SYN2: variants seen among roughly 807,000 people sequenced by gnomAD.
SYN2 encodes synapsin-2.
SYN2 carries 19 observed loss-of-function variants against 50.9 expected under a neutral mutation model. The ratio of observed to expected loss-of-function variants is 0.37; its 90% CI spans 0.26 to 0.55. SYN2 has a LOEUF of 0.55. Among genes scored for constraint, SYN2 ranks in the 20% least tolerant of loss-of-function variants. SYN2 has a pLI of 0.81. For synonymous variants in SYN2, 255 were observed against 224.9 expected (o/e 1.13, Z -1.20); for missense variants, 587 against 576.4 (o/e 1.02, Z -0.19).
At chr3:12,122,246 C>A (rs920998790) in intron 1 of SYN2, among the ~76,000 whole-genome samples, 1 of 152,114 alleles carries the variant, frequency 6.6e-6, no homozygotes, top group Non-Finnish European at 1.5e-5. Context: ...AAAAAGAGAA[C>A]AATTTTCTTT....
At chr3:12,131,031 A>G (rs1210746993) in intron 1 of SYN2, among the ~76,000 whole-genome samples, 1 of 152,156 alleles carries the variant, frequency 6.6e-6, no homozygotes, top group Non-Finnish European at 1.5e-5. Flanking sequence ...TTATAGAAGG[A>G]GTAGGGCAGG....
chr3:12,005,349 C>T (rs1259226977), intron 1 of SYN2, among the ~76,000 whole-genome samples: 2 of 151,890 alleles, frequency 1.3e-5, no homozygotes, highest in Non-Finnish European at 2.9e-5. Context: ...TCATGAAGCA[C>T]GGAGTGAATT....
intron 1 of SYN2, among the ~76,000 whole-genome samples, chr3:12,061,653 A>T (rs749511840): frequency 2.0e-5 from 3 of 152,060 alleles, no homozygotes; most frequent in Non-Finnish European, 2.9e-5. Context: ...ATTGCTAGGA[A>T]ATGATAAACC....
intron 5 of SYN2, chr3:12,153,837 C>T: frequency 3.0e-6 from 3 of 1,013,250 alleles, no homozygotes; most frequent in Non-Finnish European, 4.4e-6. Context: ...AAGCCTTTCC[C>T]AGTCCCCAGT....
intron 5 of SYN2, chr3:12,153,329 C>G: frequency 1.5e-6 from 1 of 651,782 alleles, no homozygotes; most frequent in Non-Finnish European, 2.7e-6. Context: ...GCAGGGGCAA[C>G]AGGCTGAGGG....
intron 1 of SYN2, among the ~76,000 whole-genome samples, chr3:12,046,254 G>A (rs539485487): frequency 2.0e-5 from 3 of 152,148 alleles, no homozygotes; most frequent in African/African-American, 7.2e-5. Flanking sequence ...AAAGGTTTTG[G>A]TGAGTATATT....
intron 1 of SYN2, among the ~76,000 whole-genome samples, chr3:12,089,306 G>A (rs1018317959): frequency 1.3e-5 from 2 of 152,104 alleles, no homozygotes; most frequent in African/African-American, 2.4e-5. Context: ...ACTTGTATAG[G>A]GGAACTCCCA....
At chr3:12,014,103 T>C (rs923923240) in intron 1 of SYN2, among the ~76,000 whole-genome samples, 2 of 152,186 alleles carry the variant, frequency 1.3e-5, no homozygotes, top group Admixed American at 6.5e-5. Context: ...AGTATCTTTA[T>C]CTCTGGACAC....
At chr3:12,068,798 G>A (rs1173757598) in intron 1 of SYN2, among the ~76,000 whole-genome samples, 1 of 151,948 alleles carries the variant, frequency 6.6e-6, no homozygotes, top group Non-Finnish European at 1.5e-5. Flanking sequence ...CACTTAAAGT[G>A]TGCAATCCAA....
At chr3:12,025,728 A>G (rs772760756) in intron 1 of SYN2, among the ~76,000 whole-genome samples, 1 of 152,114 alleles carries the variant, frequency 6.6e-6, no homozygotes, top group African/African-American at 2.4e-5. Flanking sequence ...CCCTTCTGAT[A>G]CATAGTGCCT....
intron 1 of SYN2, among the ~76,000 whole-genome samples, chr3:12,114,511 T>G (rs561021615): frequency 9.2e-5 from 14 of 152,268 alleles, no homozygotes; most frequent in African/African-American, 3.4e-4. Flanking sequence ...AAATCTTGCT[T>G]ACTCTAAGAT....
intron 1 of SYN2, among the ~76,000 whole-genome samples, chr3:12,112,418 A>G (rs1215920591): frequency 6.6e-6 from 1 of 152,144 alleles, no homozygotes; most frequent in Non-Finnish European, 1.5e-5. Flanking sequence ...TGGGGTGCCT[A>G]TCCTGTACTC....
intron 1 of SYN2, among the ~76,000 whole-genome samples, chr3:12,043,681 A>T (rs903013649): frequency 1.3e-5 from 2 of 152,186 alleles, no homozygotes; most frequent in African/African-American, 4.8e-5. Context: ...TAAAACTGTG[A>T]TGTCCATTCT....
chr3:12,090,921 A>T (rs928223877), intron 1 of SYN2, among the ~76,000 whole-genome samples: 2 of 152,142 alleles, frequency 1.3e-5, no homozygotes, highest in Non-Finnish European at 2.9e-5. Flanking sequence ...ATGTTATAAG[A>T]CAAACTCATG....
In SYN2 at chr3:12,014,300, G is replaced by A. The variant is rs1390157516; in HGVS notation, c.377+9372G>A. 2.6e-5 allele frequency among the ~76,000 whole-genome samples: 4 copies of A among 152,160 alleles called. No homozygotes were observed. In the East Asian group the frequency reaches 7.7e-4, roughly 29 times the overall value. ...CAAGAGAGTCAAAGGATGAGATAAGGGATAGAAGGTAACAATGAAGAGAGG... is the reference window on the plus strand; with the variant it reads ...CAAGAGAGTCAAAGGATGAGATAAGAGATAGAAGGTAACAATGAAGAGAGG... On this transcript the variant is annotated intron_variant, in intron 1 of 12. Transcript: ENST00000621198.
intron 1 of SYN2, among the ~76,000 whole-genome samples, chr3:12,023,149 C>G (rs576719537): frequency 6.6e-6 from 1 of 151,938 alleles, no homozygotes; most frequent in South Asian, 2.1e-4. Context: ...GGTTATTGTG[C>G]CACTTAAAGT....
At chr3:12,183,930 G>T in intron 11 of SYN2, 1 of 991,148 alleles carries the variant, frequency 1.0e-6, no homozygotes, top group Non-Finnish European at 1.2e-6. Flanking sequence ...TGTGCTTTTC[G>T]CTTTCTTTCT....
chr3:12,070,552 CGGAG>C, intron 1 of SYN2: 1 of 1,090,496 alleles, frequency 9.2e-7, no homozygotes, highest in South Asian at 1.2e-5. Context: ...GTGCTGCTGA[CGGAG>C]GCCCTTGTGA....
At chr3:12,058,960 C>T (rs1364888492) in intron 1 of SYN2, among the ~76,000 whole-genome samples, 2 of 152,122 alleles carry the variant, frequency 1.3e-5, no homozygotes, top group Non-Finnish European at 2.9e-5. Flanking sequence ...AGTATTTGAC[C>T]AAGAGCTGGA....
Sources: allele counts gnomAD v4.1 joint callset (sites outside exome capture counted in the v4.1 genomes callset), GRCh38; gene constraint gnomAD v4.1.1; transcripts MANE v1.5; gene names NCBI Gene and HGNC (gene_info 2026-07-23, HGNC 2026-07-21).